Variants in TRIP12 observed in about 807,000 individuals in gnomAD.
TRIP12 encodes E3 ubiquitin-protein ligase TRIP12.
In TRIP12, 25 loss-of-function variants were observed where a neutral mutation model predicts 244.2. That is an observed-to-expected ratio of 0.10 (90% CI 0.07 to 0.14). TRIP12 has a LOEUF of 0.14. Among genes scored for constraint, TRIP12 ranks in the 10% least tolerant of loss-of-function variants. The probability of loss-of-function intolerance (pLI) is 1.00; values close to 1 mark genes in which losing one functional copy is unlikely to be tolerated. For synonymous variants in TRIP12, 905 were observed against 873.1 expected (o/e 1.04, Z -0.64); for missense variants, 1,677 against 2,486.4 (o/e 0.67, Z 6.92).
At chr2:229,796,550 C>T (rs2042868377) in intron 25 of TRIP12, 41 bp downstream of exon 25, 1 of 1,504,876 alleles carries the variant, frequency 6.6e-7, no homozygotes, top group African/African-American at 1.4e-5. Context: ...TTAGTGAGCA[C>T]TGATTCTTAA....
intron 1 of TRIP12, among the ~76,000 whole-genome samples, chr2:229,904,886 A>C (rs903511771): frequency 3.3e-5 from 5 of 152,206 alleles, no homozygotes; most frequent in Admixed American, 3.3e-4. Context: ...GTACCATACT[A>C]ATGTTAAAAT....
At chr2:229,918,304 T>C (rs571418496) in intron 1 of TRIP12, among the ~76,000 whole-genome samples, 1 of 152,222 alleles carries the variant, frequency 6.6e-6, no homozygotes, top group East Asian at 1.9e-4. Flanking sequence ...CAGTGAAGAT[T>C]AAAAAACCAA....
At chr2:229,802,608 C>A in intron 20 of TRIP12, 149 bp from the exon 21 acceptor site, 1 of 513,322 alleles carries the variant, frequency 1.9e-6, no homozygotes, top group East Asian at 3.3e-5. Context: ...AATTAGGAGC[C>A]AGAGTTTTCA....
chr2:229,890,523 G>A (rs1343358348), intron 1 of TRIP12, among the ~76,000 whole-genome samples: 1 of 152,118 alleles, frequency 6.6e-6, no homozygotes, highest in Non-Finnish European at 1.5e-5. Context: ...CAAGTATGTA[G>A]CCTGTCATCA....
intron 1 of TRIP12, among the ~76,000 whole-genome samples, chr2:229,915,779 C>T (rs1301484825): frequency 1.3e-5 from 2 of 152,112 alleles, no homozygotes; most frequent in African/African-American, 4.8e-5. Flanking sequence ...GCACAGCTTC[C>T]ATCTCCCAGG....
At chr2:229,818,262 T>A in intron 9 of TRIP12, 102 bp downstream of exon 9, 1 of 1,276,976 alleles carries the variant, frequency 7.8e-7, no homozygotes, top group Non-Finnish European at 1.1e-6. Context: ...AACTCTATCA[T>A]GTTTTAAAAA....
chr2:229,812,626 C>T (rs1040212283), intron 13 of TRIP12, among the ~76,000 whole-genome samples: 37 of 152,002 alleles, frequency 2.4e-4, no homozygotes, highest in African/African-American at 8.4e-4. Flanking sequence ...GCCAACATGG[C>T]GAAACCCTGT....
At chr2:229,790,848 T>C (rs998301159) in intron 30 of TRIP12, among the ~76,000 whole-genome samples, 2 of 152,220 alleles carry the variant, frequency 1.3e-5, no homozygotes, top group Non-Finnish European at 2.9e-5. Context: ...CCAATGAAAT[T>C]TGTTTCAACC....
intron 41 of TRIP12, 144 bp from the exon 42 acceptor site, chr2:229,767,894 T>G: frequency 1.3e-6 from 1 of 785,134 alleles, no homozygotes; most frequent in Non-Finnish European, 1.9e-6. Flanking sequence ...ATACATTAAG[T>G]GCAAGGAACC....
intron 1 of TRIP12, among the ~76,000 whole-genome samples, chr2:229,884,209 C>A (rs1560111369): frequency 6.7e-6 from 1 of 149,996 alleles, no homozygotes; most frequent in Admixed American, 6.6e-5. Context: ...AAAACTTAAA[C>A]TAAAAACATT....
rs532401055 is a variant in TRIP12 at position 229,767,148 on chromosome 2, C to T, written c.*406G>A. 2.5e-5 allele frequency: 4 copies of T among 160,822 alleles called. No homozygotes were observed. The highest frequency in any genetic ancestry group is 9.6e-5 in the African/African-American group (4 of 41,818). 10.0% of individuals were successfully genotyped at this position (160,822 alleles called of 1,614,324 possible). A position where few individuals can be genotyped will look rare whatever the true frequency, so the allele number is the denominator to read the frequency against. On this transcript the variant is annotated 3_prime_UTR_variant, in exon 42 of 42. Transcript: ENST00000675903. ...GAGCTTAAATTTCTGTACTTATGTA[C>T]AAGAGTTGTCTTTGGAGGAAAGAAA...
upstream of TRIP12, chr2:229,922,701 C>G: frequency 7.5e-7 from 1 of 1,335,622 alleles, no homozygotes; most frequent in Non-Finnish European, 1.0e-6. Context: ...CAAGAGCAAC[C>G]GTAGCCCGCC....
chr2:229,893,794 A>G (rs1194183412), intron 1 of TRIP12, among the ~76,000 whole-genome samples: 1 of 152,174 alleles, frequency 6.6e-6, no homozygotes, highest in Non-Finnish European at 1.5e-5. Flanking sequence ...TTTTGAGCAG[A>G]ATTAACTAAG....
At chr2:229,867,501 A>G (rs1019110936) in intron 2 of TRIP12, among the ~76,000 whole-genome samples, 3 of 152,000 alleles carry the variant, frequency 2.0e-5, no homozygotes, top group African/African-American at 7.2e-5. Flanking sequence ...ATAGTATATG[A>G]GAAAAAGGGA....
At chr2:229,863,357 G>A (rs2060792177) in intron 2 of TRIP12, among the ~76,000 whole-genome samples, 1 of 151,498 alleles carries the variant, frequency 6.6e-6, no homozygotes, top group Non-Finnish European at 1.5e-5. Context: ...ATAAAATATT[G>A]ATACTTAACT....
chr2:229,780,665 A>G (rs192280274), intron 34 of TRIP12, among the ~76,000 whole-genome samples: 3 of 152,230 alleles, frequency 2.0e-5, no homozygotes, highest in Admixed American at 1.3e-4. Flanking sequence ...TGTGCTAGAG[A>G]TACTCTTCCC....
In TRIP12 at chr2:229,814,337, T is replaced by C. The variant is rs202040397; in HGVS notation, c.1732-12A>G. ...TGAATAACTTGCAGCTGGGAACATA[T>C]ATATAGTTACCATAAGGTTATCATT... On this transcript the variant is annotated splice_polypyrimidine_tract_variant and intron_variant, in intron 11 of 41. Transcript: ENST00000675903. The C allele has an allele frequency of 5.0e-6, 8 of 1,610,124 alleles. No individual in the cohort carries two copies. In the Admixed American group the frequency reaches 6.7e-5, roughly 13 times the overall value.
intron 1 of TRIP12, among the ~76,000 whole-genome samples, chr2:229,881,441 T>C (rs2064856093): frequency 6.6e-6 from 1 of 152,194 alleles, no homozygotes; most frequent in African/African-American, 2.4e-5. Context: ...TAGAAACTGG[T>C]GCCAAAGAGA....
chr2:229,780,723 C>T (rs904103460), intron 34 of TRIP12, among the ~76,000 whole-genome samples: 1 of 152,218 alleles, frequency 6.6e-6, no homozygotes, highest in Non-Finnish European at 1.5e-5. Flanking sequence ...GACTGCCCTA[C>T]GCATCCCCAT....
Sources: gnomAD v4.1 joint callset for allele counts (sites outside exome capture counted in the v4.1 genomes callset) on GRCh38, gnomAD v4.1.1 for gene constraint, MANE v1.5 for transcripts, NCBI Gene and HGNC (gene_info 2026-07-23, HGNC 2026-07-21) for gene names.